The following CDH7 variants were observed in gnomAD, a reference collection of about 807,000 sequenced individuals.
CDH7 encodes the protein cadherin-7.
CDH7 carries 25 observed loss-of-function variants against 71.8 expected under a neutral mutation model. The ratio of observed to expected loss-of-function variants is 0.35; its 90% CI spans 0.25 to 0.49. The LOEUF (loss-of-function observed/expected upper bound fraction) is 0.49. CDH7 is among the 20% of genes least tolerant of loss of function. The pLI is 0.99. For synonymous variants in CDH7, 381 were observed against 363.8 expected, an observed-to-expected ratio of 1.05 and a Z score of -0.54; for missense variants, 862 against 974.6, an observed-to-expected ratio of 0.88 and a Z score of 1.54.
At position 65,881,026 on chromosome 18, in the gene CDH7, A is replaced by G; in HGVS notation, c.*132A>G. 3 of 890,782 alleles carry G rather than the reference A, an allele frequency of 3.4e-6. No homozygotes were observed. The highest frequency in any genetic ancestry group is 4.9e-6 in the Non-Finnish European group (3 of 615,020). The allele number at this position is 890,782 out of a possible 1,614,324, so 55.2% of individuals were successfully genotyped here. ...TTGCTGGAGACAGATGGTTGTAAAT[A>G]TTTCTCCATTTTTAATTGTTTAGAT... On this transcript the variant is annotated 3_prime_UTR_variant, in exon 12 of 12. Transcript: ENST00000397968.
intron 7 of CDH7, among the ~76,000 whole-genome samples, chr18:65,853,162 A>G (rs1913209256): frequency 6.6e-6 from 1 of 152,156 alleles, no homozygotes; most frequent in South Asian, 2.1e-4. Flanking sequence ...TTAGGCTGTA[A>G]TTTGCAGAAG....
intron 6 of CDH7, among the ~76,000 whole-genome samples, chr18:65,831,145 A>C (rs1427636785): frequency 6.6e-6 from 1 of 152,216 alleles, no homozygotes; most frequent in Non-Finnish European, 1.5e-5. Context: ...AAAATAATTT[A>C]TTACAATTTT....
chr18:65,799,403 T>C (rs1221572228), intron 2 of CDH7, among the ~76,000 whole-genome samples: 10 of 151,944 alleles, frequency 6.6e-5, no homozygotes, highest in Admixed American at 1.3e-4. Context: ...CCTGGCCGGG[T>C]GCGGTGGCTC....
chr18:65,837,967 C>T lies in CDH7; in HGVS notation c.982-5845C>T, dbSNP rs143421314. Among the ~76,000 whole-genome samples, 1,080 of 149,470 alleles carry T rather than the reference C, an allele frequency of 7.2e-3. 7 individuals are homozygous for T. Among genetic ancestry groups the T allele is most frequent in the African/African-American group, 0.025 (1,007 of 40,286 alleles). ...TGAGACGATGTCTTGCTCTGTCGCCCGGGCTGGAGTGCAGTGGTACAATCT... is the reference window on the plus strand; with the variant it reads ...TGAGACGATGTCTTGCTCTGTCGCCTGGGCTGGAGTGCAGTGGTACAATCT... On this transcript the variant is annotated intron_variant, in intron 6 of 11. Transcript: ENST00000397968.
chr18:65,822,325 T>C, intron 5 of CDH7, 77 bp downstream of exon 5: 1 of 1,148,982 alleles, frequency 8.7e-7, no homozygotes. Context: ...AAAATGACTT[T>C]TTTTCAAATA....
intron 7 of CDH7, among the ~76,000 whole-genome samples, chr18:65,856,736 A>AGTTTGT (rs1913371594): frequency 1.3e-5 from 2 of 151,166 alleles, no homozygotes; most frequent in Non-Finnish European, 3.0e-5. Context: ...TGTTCGTTTA[A>AGTTTGT]TTGTTTGTTT....
rs1319746105 is a variant in CDH7 at position 65,890,149 on chromosome 18, GC to G, written c.*9256del. ...TCCTATGCCACTATCTTTATAGGAA[GC>G]TTTACCGACTTTGTACGACTTGGTT... On this transcript the variant is annotated 3_prime_UTR_variant, in exon 12 of 12. Coordinates refer to ENST00000397968, the MANE Select transcript of CDH7 (RefSeq NM_004361.5). 6.6e-6 allele frequency: 1 copy of G among 152,064 alleles called. No individual in the cohort carries two copies. The highest frequency in any genetic ancestry group is 1.5e-5 in the Non-Finnish European group (1 of 68,022). 9.4% of individuals were successfully genotyped at this position (152,064 alleles called of 1,614,324 possible). A position where few individuals can be genotyped will look rare whatever the true frequency, so the allele number is the denominator to read the frequency against.
chr18:65,790,670 A>C (rs1288138307), intron 2 of CDH7, among the ~76,000 whole-genome samples: 1 of 152,166 alleles, frequency 6.6e-6, no homozygotes, highest in Non-Finnish European at 1.5e-5. Context: ...GGAGTCCAAG[A>C]CCAGCCTGGC....
intron 2 of CDH7, among the ~76,000 whole-genome samples, chr18:65,787,013 A>G (rs763558658): frequency 1.3e-5 from 2 of 152,192 alleles, no homozygotes; most frequent in East Asian, 3.9e-4. Context: ...ATGCCCATCA[A>G]TGAAAACTTT....
In CDH7 at chr18:65,860,628, AC is replaced by A. The variant is rs898896599; in HGVS notation, c.1612+809del. ...GAAACTGATGTAGAGGGTGAATAGT[AC>A]CCCCCAACAGCATGGAAAATATCTA... On this transcript the variant is annotated intron_variant, in intron 10 of 11. Coordinates refer to ENST00000397968, the MANE Select transcript of CDH7 (RefSeq NM_004361.5). 2.6e-5 allele frequency among the ~76,000 whole-genome samples: 4 copies of A among 152,128 alleles called. No homozygotes were observed. In the South Asian group the frequency reaches 6.2e-4, roughly 24 times the overall value.
At chr18:65,783,125 A>G (rs1369697778) in intron 2 of CDH7, among the ~76,000 whole-genome samples, 1 of 152,194 alleles carries the variant, frequency 6.6e-6, no homozygotes, top group Non-Finnish European at 1.5e-5. Context: ...CATTTTATTG[A>G]GTAGATGAAT....
chr18:65,750,545 G>T (rs1396093956), upstream of CDH7: 1 of 152,322 alleles, frequency 6.6e-6, no homozygotes, highest in Admixed American at 6.5e-5. Flanking sequence ...AGATCCGCCA[G>T]GCGGGAGGTG....
chr18:65,754,125 T>C (rs116396277), intron 1 of CDH7, among the ~76,000 whole-genome samples: 1,756 of 151,848 alleles, frequency 0.012, 43 homozygotes, highest in African/African-American at 0.041. Flanking sequence ...CCTTGTTACT[T>C]TGTTTACTTT....
At chr18:65,867,438 A>C (rs752673947) in intron 11 of CDH7, among the ~76,000 whole-genome samples, 1 of 152,150 alleles carries the variant, frequency 6.6e-6, no homozygotes, top group Non-Finnish European at 1.5e-5. Flanking sequence ...AGACATACAC[A>C]ATTATTCTTC....
chr18:65,776,336 A>T (rs1420998175), intron 2 of CDH7, among the ~76,000 whole-genome samples: 2 of 150,180 alleles, frequency 1.3e-5, no homozygotes, highest in Non-Finnish European at 3.0e-5. Context: ...CAGCTTTTCA[A>T]ATCACACATT....
chr18:65,852,493 T>A (rs1913185145), intron 7 of CDH7, among the ~76,000 whole-genome samples: 1 of 152,146 alleles, frequency 6.6e-6, no homozygotes, highest in Non-Finnish European at 1.5e-5. Context: ...TGTCACCGCT[T>A]ATTTACAATG....
At chr18:65,814,405 G>C (rs1386616231) in intron 3 of CDH7, 80 bp from the exon 4 acceptor site, 2 of 1,455,928 alleles carry the variant, frequency 1.4e-6, no homozygotes, top group Non-Finnish European at 1.9e-6. Flanking sequence ...GCTTAATGTG[G>C]AATCAGTAAC....
chr18:65,818,075 C>T (rs949103317), intron 4 of CDH7, among the ~76,000 whole-genome samples: 1 of 152,106 alleles, frequency 6.6e-6, no homozygotes, highest in African/African-American at 2.4e-5. Context: ...CAAGACTTCA[C>T]AATGTCTTGT....
chr18:65,872,406 A>C (rs1271384123), intron 11 of CDH7, among the ~76,000 whole-genome samples: 1 of 152,088 alleles, frequency 6.6e-6, no homozygotes, highest in Non-Finnish European at 1.5e-5. Context: ...TATGAAGATA[A>C]ATTGTTGGCT....
Sources: allele counts gnomAD v4.1 joint callset (sites outside exome capture counted in the v4.1 genomes callset), GRCh38; gene constraint gnomAD v4.1.1; transcripts MANE v1.5; gene names NCBI Gene and HGNC (gene_info 2026-07-23, HGNC 2026-07-21).